SLC41A3: variants seen among roughly 807,000 people sequenced by gnomAD.
SLC41A3 encodes the protein solute carrier family 41 member 3, also known as SLC41A1-like 2.
A neutral mutation model predicts 45.4 loss-of-function variants in SLC41A3; 44 were observed. That is an observed-to-expected ratio of 0.97 (90% confidence interval 0.76 to 1.25). The LOEUF is 1.25. SLC41A3 is among the 50% of genes most tolerant of loss of function. The pLI is 0.00. For synonymous variants in SLC41A3, 256 were observed against 252.4 expected (o/e 1.01, Z -0.13); for missense variants, 550 against 600.6 (o/e 0.92, Z 0.88).
chr3:126,069,150 CCACCAATGGATAGTGCCA>C (rs1017925554), intron 1 of SLC41A3, among the ~76,000 whole-genome samples: 5 of 150,652 alleles, frequency 3.3e-5, no homozygotes, highest in African/African-American at 1.2e-4. Context: ...ACCTAATAGG[CCACCAATGGATAGTGCCA>C]CACCCATGGC....
At position 126,026,442 on chromosome 3, in the gene SLC41A3, G is replaced by A; in HGVS notation, c.491C>T (p.Ala164Val). The A allele has an allele frequency of 6.2e-7, 1 of 1,601,786 alleles. No individual in the cohort carries two copies. Among genetic ancestry groups the A allele is most frequent in the South Asian group, 1.1e-5 (1 of 88,780 alleles). ...ATVVGLLAAV[A>V]ALLLGVVSRE... The stretch of plus-strand genomic sequence containing the variant: ...AGACACCACGCCCAACAGCAGCGCA[G>A]CCACAGCAGCCAAGAGCCCCACGAC... Residue 164 changes from alanine to valine, a missense_variant, in exon 5 of 11, where the codon GCT becomes GTT. Physicochemically the swap from Ala to Val is moderately conservative, Grantham distance 64. Coordinates refer to ENST00000360370, the MANE Select transcript of SLC41A3 (RefSeq NM_017836.4). This position sits in a 1 kb window ranked among gnomAD's most constrained non-coding sequence, Gnocchi z 4.2.
At chr3:126,043,435 A>G (rs1942723551) in intron 3 of SLC41A3, among the ~76,000 whole-genome samples, 1 of 152,332 alleles carries the variant, frequency 6.6e-6, no homozygotes, top group Non-Finnish European at 1.5e-5. Context: ...CCAGACAGGA[A>G]CTTGAAGCCA....
intron 8 of SLC41A3, among the ~76,000 whole-genome samples, chr3:126,013,468 C>T (rs1017680934): frequency 4.0e-5 from 6 of 151,664 alleles, no homozygotes. Context: ...GAGGCTGAGG[C>T]AGGAGAATCA....
At chr3:126,030,078 A>C (rs1433109464) in intron 4 of SLC41A3, among the ~76,000 whole-genome samples, 2 of 148,594 alleles carry the variant, frequency 1.3e-5, no homozygotes, top group Non-Finnish European at 3.0e-5. Flanking sequence ...TCAAAAAATA[A>C]AATAAATATA....
At chr3:126,037,233 C>G (rs188622638) in intron 3 of SLC41A3, among the ~76,000 whole-genome samples, 24 of 152,188 alleles carry the variant, frequency 1.6e-4, no homozygotes, top group Non-Finnish European at 3.1e-4. Flanking sequence ...TGCTCCCCTT[C>G]GCCTCCACCA....
intron 2 of SLC41A3, chr3:126,057,115 C>G (rs1389459349): frequency 1.0e-6 from 1 of 986,674 alleles, no homozygotes; most frequent in African/African-American, 1.7e-5. Flanking sequence ...CAGGCCAGCT[C>G]TACAGACCTC....
At chr3:126,023,938 T>G (rs1414607092) in intron 5 of SLC41A3, 1 of 152,252 alleles carries the variant, frequency 6.6e-6, no homozygotes, top group East Asian at 1.9e-4. Flanking sequence ...AAGCTGCCAC[T>G]ACAAGCTGGT....
chr3:126,065,431 G>A (rs1559876147), intron 2 of SLC41A3, among the ~76,000 whole-genome samples: 2 of 152,232 alleles, frequency 1.3e-5, no homozygotes, highest in Non-Finnish European at 2.9e-5. Context: ...TTCCAGTTTT[G>A]AAATGTTTGC....
Position 126,033,661 on chromosome 3 carries a change from A to G in SLC41A3, c.399T>C (p.Ile133=), listed in dbSNP as rs1332987184. Residue 133 remains isoleucine (I), a synonymous_variant, in exon 4 of 11, where the codon ATT becomes ATC. Transcript: ENST00000360370. ...RLSTAANTGQ[I]DDPQEQHRVI... is the part of the protein sequence containing the mutation. Reference sequence around the variant, plus strand: ...CTCTGTGCTGCTCCTGGGGGTCATCAATTTGTCCAGTGTTGGCCTAGAATG... The same window carrying G: ...CTCTGTGCTGCTCCTGGGGGTCATCGATTTGTCCAGTGTTGGCCTAGAATG... 3 of 1,612,970 alleles carry G rather than the reference A, an allele frequency of 1.9e-6. No homozygotes were observed. The highest frequency in any genetic ancestry group is 2.2e-5 in the South Asian group (2 of 90,370).
At chr3:126,083,641 G>C (rs968148573) in intron 1 of SLC41A3, among the ~76,000 whole-genome samples, 5 of 152,030 alleles carry the variant, frequency 3.3e-5, no homozygotes, top group Non-Finnish European at 7.4e-5. Flanking sequence ...CAGGAGTCAC[G>C]CGTGTGACAT....
chr3:126,014,162 G>A (rs1036304225), intron 8 of SLC41A3, among the ~76,000 whole-genome samples: 4 of 152,124 alleles, frequency 2.6e-5, no homozygotes, highest in Admixed American at 6.5e-5. Context: ...GACCTCTCAG[G>A]CAGAGGCCAA....
chr3:126,050,427 G>C (rs542966023), intron 3 of SLC41A3, among the ~76,000 whole-genome samples: 2 of 152,302 alleles, frequency 1.3e-5, no homozygotes, highest in South Asian at 2.1e-4. Flanking sequence ...AGAAGAGCTG[G>C]TAAAGCTAGG....
chr3:126,084,061 C>T (rs1293704819), intron 1 of SLC41A3, 32 bp downstream of exon 1: 7 of 152,044 alleles, frequency 4.6e-5, no homozygotes, highest in Admixed American at 3.3e-4. Flanking sequence ...CACCTTCCGC[C>T]CCAACCCCGC....
At chr3:126,035,666 G>C (rs1181555772) in intron 3 of SLC41A3, among the ~76,000 whole-genome samples, 1 of 152,242 alleles carries the variant, frequency 6.6e-6, no homozygotes, top group Non-Finnish European at 1.5e-5. Flanking sequence ...ACTATGATCA[G>C]ATACCAAGAG....
intron 1 of SLC41A3, 101 bp from the exon 2 acceptor site, chr3:126,068,347 T>A (rs1454305996): frequency 8.7e-7 from 1 of 1,150,474 alleles, no homozygotes; most frequent in East Asian, 2.6e-5. Context: ...GCCGGCATGG[T>A]CCCATCCAAC....
upstream of SLC41A3, among the ~76,000 whole-genome samples, chr3:126,084,902 A>T (rs759502039): frequency 1.3e-5 from 2 of 152,366 alleles, no homozygotes; most frequent in Admixed American, 6.5e-5. Context: ...GAGGCCGAAC[A>T]TGCCTCATTA....
At chr3:126,100,622 A>T (rs1945690187) in intron 1 of SLC41A3, among the ~76,000 whole-genome samples, 2 of 152,208 alleles carry the variant, frequency 1.3e-5, no homozygotes, top group Admixed American at 1.3e-4. Context: ...ATTATAAAAC[A>T]TTTTTAAGGA....
chr3:126,069,448 G>A (rs1944513081), intron 1 of SLC41A3, among the ~76,000 whole-genome samples: 2 of 152,168 alleles, frequency 1.3e-5, no homozygotes, highest in South Asian at 4.1e-4. Context: ...AATGGAGGAT[G>A]TTTGCAGGAT....
intron 5 of SLC41A3, chr3:126,023,897 A>G (rs1233818907): frequency 6.6e-6 from 1 of 152,218 alleles, no homozygotes; most frequent in Non-Finnish European, 1.5e-5. Flanking sequence ...AACTCTAAAA[A>G]TAATTACAAT....
Sources: gnomAD v4.1 joint callset for allele counts (sites outside exome capture counted in the v4.1 genomes callset) on GRCh38, gnomAD v4.1.1 for gene constraint, Gnocchi (gnomAD v3.1) non-coding constraint, MANE v1.5 for transcripts, NCBI Gene and HGNC (gene_info 2026-07-23, HGNC 2026-07-21) for gene names.